Variants in B3GALT1 observed in about 807,000 individuals in gnomAD.
B3GALT1 encodes UDP-Gal:betaGlcNAc beta 1,3-galactosyltransferase, polypeptide 1.
Under a neutral mutation model 23.2 loss-of-function variants are expected in B3GALT1, and 10 were observed. The observed-to-expected ratio is 0.43, with a 90% CI of 0.27 to 0.73. The LOEUF (loss-of-function observed/expected upper bound fraction) is 0.73, where lower values mean the gene tolerates loss of function less well. Ranked by LOEUF, B3GALT1 falls within the 30% of genes least tolerant of loss-of-function variation. The probability of loss-of-function intolerance (pLI) is 0.21; values close to 1 mark genes in which losing one functional copy is unlikely to be tolerated. For missense variants in B3GALT1, 299 were observed against 405.4 expected, an observed-to-expected ratio of 0.74 and a Z score of 2.25; for synonymous variants, 156 against 141.5, an observed-to-expected ratio of 1.10 and a Z score of -0.73.
intron 3 of B3GALT1, chr2:167,713,842 A>C: frequency 6.3e-7 from 1 of 1,593,130 alleles, no homozygotes; most frequent in Non-Finnish European, 8.6e-7. Context: ...CATGTGGTGG[A>C]CCTGGGAAAT....
intron 4 of B3GALT1, among the ~76,000 whole-genome samples, chr2:167,856,279 G>T (rs568117212): frequency 1.3e-5 from 2 of 152,138 alleles, no homozygotes; most frequent in Non-Finnish European, 2.9e-5. Flanking sequence ...AAAGCAGAAG[G>T]AAGGCAAACT....
intron 3 of B3GALT1, among the ~76,000 whole-genome samples, chr2:167,703,946 C>T (rs1413768385): frequency 6.6e-6 from 1 of 152,026 alleles, no homozygotes; most frequent in Admixed American, 6.6e-5. Context: ...CTTTGGGAGG[C>T]CAAGGCGGGC....
chr2:167,655,981 T>C (rs1204702041), intron 3 of B3GALT1, among the ~76,000 whole-genome samples: 1 of 152,176 alleles, frequency 6.6e-6, no homozygotes, highest in Non-Finnish European at 1.5e-5. Context: ...AGTGTCGAAG[T>C]ATTCCATACG....
intron 1 of B3GALT1, among the ~76,000 whole-genome samples, chr2:167,409,696 C>G (rs1038746779): frequency 1.3e-5 from 2 of 151,990 alleles, no homozygotes; most frequent in African/African-American, 4.8e-5. Context: ...TGGGTTAGAA[C>G]ATGCCCCTTT....
intron 1 of B3GALT1, among the ~76,000 whole-genome samples, chr2:167,442,036 C>A (rs574936384): frequency 2.6e-5 from 4 of 151,646 alleles, no homozygotes; most frequent in African/African-American, 7.3e-5. Flanking sequence ...CCACTCCCCC[C>A]ACCCCACCAC....
intron 1 of B3GALT1, among the ~76,000 whole-genome samples, chr2:167,473,298 A>G (rs977313273): frequency 1.3e-5 from 2 of 152,140 alleles, no homozygotes; most frequent in East Asian, 1.9e-4. Context: ...AGGGTTACTT[A>G]AGAATGTATA....
chr2:167,394,226 A>G (rs566779566), intron 1 of B3GALT1, among the ~76,000 whole-genome samples: 16 of 152,206 alleles, frequency 1.1e-4, no homozygotes, highest in Non-Finnish European at 1.9e-4. Flanking sequence ...CTTAAAACCA[A>G]TTATGCCTTC....
intron 4 of B3GALT1, among the ~76,000 whole-genome samples, chr2:167,821,423 G>A (rs1689103705): frequency 6.8e-6 from 1 of 147,622 alleles, no homozygotes; most frequent in Non-Finnish European, 1.5e-5. Context: ...GATTTGACAA[G>A]GAAGGTACTT....
intron 1 of B3GALT1, among the ~76,000 whole-genome samples, chr2:167,372,424 T>C (rs1215106075): frequency 1.3e-5 from 2 of 152,106 alleles, no homozygotes; most frequent in African/African-American, 4.8e-5. Flanking sequence ...TTAGATGATT[T>C]TCCTAAGATT....
intron 1 of B3GALT1, among the ~76,000 whole-genome samples, chr2:167,480,891 T>A (rs897250660): frequency 6.6e-6 from 1 of 152,164 alleles, no homozygotes; most frequent in African/African-American, 2.4e-5. Flanking sequence ...TCCTTTTGTT[T>A]CACTTTCCCT....
intron 2 of B3GALT1, among the ~76,000 whole-genome samples, chr2:167,587,941 G>C (rs1684609372): frequency 6.6e-6 from 1 of 152,176 alleles, no homozygotes. Context: ...GTAGCTTGTG[G>C]AGACAGAGAA....
At chr2:167,398,779 A>G (rs965096308) in intron 1 of B3GALT1, among the ~76,000 whole-genome samples, 3 of 152,098 alleles carry the variant, frequency 2.0e-5, no homozygotes, top group Non-Finnish European at 2.9e-5. Context: ...GGTGCCCACT[A>G]TATATCAGGA....
intron 3 of B3GALT1, among the ~76,000 whole-genome samples, chr2:167,676,542 CACACACACACACAT>C (rs141218960): frequency 0.024 from 3,631 of 151,206 alleles, 155 homozygotes; most frequent in African/African-American, 0.084. Flanking sequence ...CACACACACA[CACACACACACACAT>C]ATATATGTGT....
chr2:167,645,588 G>A (rs1685735770), intron 2 of B3GALT1, among the ~76,000 whole-genome samples: 1 of 127,822 alleles, frequency 7.8e-6, no homozygotes, highest in Non-Finnish European at 1.6e-5. Context: ...TTGAGATGGA[G>A]TCTCACTCTG....
chr2:167,637,002 A>T (rs1685567429), intron 2 of B3GALT1, among the ~76,000 whole-genome samples: 1 of 151,950 alleles, frequency 6.6e-6, no homozygotes, highest in South Asian at 2.1e-4. Context: ...ATAAAAAAAA[A>T]TAGAAGGTAG....
intron 4 of B3GALT1, among the ~76,000 whole-genome samples, chr2:167,844,734 G>A (rs75434677): frequency 0.025 from 3,880 of 152,280 alleles, 67 homozygotes; most frequent in Non-Finnish European, 0.04. Flanking sequence ...TGAATGGGGC[G>A]AGAAGCCTCC....
intron 2 of B3GALT1, among the ~76,000 whole-genome samples, chr2:167,629,912 A>G (rs746728519): frequency 2.6e-4 from 39 of 151,822 alleles, no homozygotes; most frequent in Non-Finnish European, 4.3e-4. Flanking sequence ...AAATAATTAC[A>G]TGACTAACCA....
rs1415834252 is a variant in B3GALT1 at position 167,411,396 on chromosome 2, AAAAC to A, written c.-510-78780_-510-78777del. 4.8e-3 allele frequency among the ~76,000 whole-genome samples: 667 copies of A among 139,876 alleles called. 5 individuals are homozygous for A. The highest frequency in any genetic ancestry group is 0.017 in the African/African-American group (635 of 37,580). The allele number at this position is 139,876 out of a possible 152,430, so 91.8% of individuals were successfully genotyped here. A position where few individuals can be genotyped will look rare whatever the true frequency, so the allele number is the denominator to read the frequency against. The stretch of plus-strand genomic sequence containing the variant: ...AAAAAACCAAAAAAAAAAAAAAAAA[AAAAC>A]CACACAAATAATTTGAGTTTAAAAT... On this transcript the variant is annotated intron_variant, in intron 1 of 4. Coordinates refer to ENST00000392690, the MANE Select transcript of B3GALT1 (RefSeq NM_020981.4).
intron 2 of B3GALT1, among the ~76,000 whole-genome samples, chr2:167,565,647 A>C (rs1245145702): frequency 6.6e-6 from 1 of 152,240 alleles, no homozygotes. Context: ...CAATGAACTC[A>C]AACAAATTTA....
Sources: allele counts gnomAD v4.1 joint callset (sites outside exome capture counted in the v4.1 genomes callset), GRCh38; gene constraint gnomAD v4.1.1; transcripts MANE v1.5; gene names NCBI Gene and HGNC (gene_info 2026-07-23, HGNC 2026-07-21).